USP34: variants seen among roughly 807,000 people sequenced by gnomAD.
USP34 encodes ubiquitin carboxyl-terminal hydrolase 34.
In USP34, 70 loss-of-function variants were observed where a neutral mutation model predicts 460.3. The ratio of observed to expected loss-of-function variants is 0.15; its 90% confidence interval spans 0.13 to 0.19. USP34 has a LOEUF of 0.19. Ranked by LOEUF, USP34 falls within the 10% of genes least tolerant of loss-of-function variation. USP34 has a pLI of 1.00. For missense variants in USP34, 3,985 were observed against 4,236.2 expected (o/e 0.94, Z 1.65); for synonymous variants, 1,647 against 1,405.3 (o/e 1.17, Z -3.85).
intron 10 of USP34, among the ~76,000 whole-genome samples, chr2:61,352,865 C>G (rs556695170): frequency 6.6e-6 from 1 of 151,762 alleles, no homozygotes; most frequent in African/African-American, 2.4e-5. Context: ...AAAACAAAGA[C>G]GATGAAGACG....
chr2:61,266,975 G>GT (rs1689067926), intron 41 of USP34, among the ~76,000 whole-genome samples: 2 of 152,162 alleles, frequency 1.3e-5, no homozygotes, highest in South Asian at 4.1e-4. Flanking sequence ...GGCAACTATG[G>GT]TGAGTTATCC....
chr2:61,387,954 CACACAT>C (rs1445390070), intron 5 of USP34, among the ~76,000 whole-genome samples: 8 of 148,680 alleles, frequency 5.4e-5, no homozygotes, highest in African/African-American at 1.2e-4. Flanking sequence ...CACACACACA[CACACAT>C]ATATATATAT....
At chr2:61,328,136 C>T (rs1691151462) in intron 20 of USP34, among the ~76,000 whole-genome samples, 1 of 151,788 alleles carries the variant, frequency 6.6e-6, no homozygotes, top group South Asian at 2.1e-4. Context: ...AACCTTGTCT[C>T]TACTAAAAAG....
chr2:61,420,369 G>A (rs1008030763), intron 2 of USP34, among the ~76,000 whole-genome samples: 5 of 151,994 alleles, frequency 3.3e-5, no homozygotes, highest in South Asian at 2.1e-4. Flanking sequence ...TTATAGAAAC[G>A]GAACAGATAT....
chr2:61,266,603 T>G (rs1325415324), intron 41 of USP34, among the ~76,000 whole-genome samples: 1 of 152,192 alleles, frequency 6.6e-6, no homozygotes, highest in African/African-American at 2.4e-5. Context: ...CTGTTGTACT[T>G]TTTCCAAAAT....
chr2:61,436,079 T>C (rs1404173136), intron 1 of USP34, among the ~76,000 whole-genome samples: 2 of 151,768 alleles, frequency 1.3e-5, no homozygotes. Context: ...AACAAAAAAA[T>C]TCAACAATAT....
intron 1 of USP34, among the ~76,000 whole-genome samples, chr2:61,456,104 A>G (rs1398112482): frequency 2.0e-5 from 3 of 152,214 alleles, no homozygotes; most frequent in African/African-American, 7.2e-5. Context: ...TATGTTTTTA[A>G]AAAAACAAAT....
At chr2:61,285,839 C>T (rs1689673611) in intron 34 of USP34, among the ~76,000 whole-genome samples, 1 of 152,084 alleles carries the variant, frequency 6.6e-6, no homozygotes, top group South Asian at 2.1e-4. Context: ...CTACATGATC[C>T]TAATATATTT....
chr2:61,325,230 T>C (rs1332549212), intron 21 of USP34, 145 bp downstream of exon 21: 2 of 541,556 alleles, frequency 3.7e-6, no homozygotes, highest in African/African-American at 4.5e-5. Flanking sequence ...TACAATACCC[T>C]GTAACAAACA....
At chr2:61,397,192 C>T (rs944616877) in intron 3 of USP34, among the ~76,000 whole-genome samples, 7 of 152,078 alleles carry the variant, frequency 4.6e-5, no homozygotes, top group African/African-American at 1.2e-4. Flanking sequence ...TATGTAATCC[C>T]AGCACTTTGG....
intron 1 of USP34, among the ~76,000 whole-genome samples, chr2:61,465,318 G>A (rs1355490334): frequency 2.0e-5 from 3 of 152,166 alleles, no homozygotes; most frequent in African/African-American, 7.2e-5. Flanking sequence ...TGTTTCCACA[G>A]TGAAAGTTTA....
intron 2 of USP34, among the ~76,000 whole-genome samples, chr2:61,412,710 G>T (rs771300525): frequency 6.6e-6 from 1 of 151,672 alleles, no homozygotes; most frequent in South Asian, 2.1e-4. Context: ...GCAACATCGC[G>T]AGACCTCCTT....
At chr2:61,396,916 T>G (rs1391056021) in intron 3 of USP34, among the ~76,000 whole-genome samples, 4 of 152,186 alleles carry the variant, frequency 2.6e-5, no homozygotes, top group Non-Finnish European at 5.9e-5. Context: ...ACTGTATACT[T>G]TAATCAAGTG....
chr2:61,306,888 A>G (rs997946511), intron 27 of USP34, among the ~76,000 whole-genome samples: 3 of 152,204 alleles, frequency 2.0e-5, no homozygotes, highest in East Asian at 1.9e-4. Flanking sequence ...TAGTTCAACC[A>G]TTGTGGAAGA....
chr2:61,288,556 T>C (rs1440983042), intron 34 of USP34, 121 bp downstream of exon 34: 1 of 981,206 alleles, frequency 1.0e-6, no homozygotes, highest in African/African-American at 1.6e-5. Context: ...AACAATGCCG[T>C]CAGTTCAGCT....
intron 2 of USP34, chr2:61,416,920 T>G (rs1345224079): frequency 1.8e-6 from 2 of 1,094,464 alleles, no homozygotes; most frequent in East Asian, 4.9e-5. Context: ...CAGAGGGCCA[T>G]GAATGGCGAC....
At chr2:61,464,840 C>A (rs1343946236) in intron 1 of USP34, among the ~76,000 whole-genome samples, 1 of 151,204 alleles carries the variant, frequency 6.6e-6, no homozygotes, top group Non-Finnish European at 1.5e-5. Context: ...TGGCCTAAAG[C>A]ATGTAATTTT....
At chr2:61,351,466 T>A (rs78151500) in intron 10 of USP34, among the ~76,000 whole-genome samples, 1 of 151,936 alleles carries the variant, frequency 6.6e-6, no homozygotes, top group African/African-American at 2.4e-5. Context: ...TCATGTAAAA[T>A]AAAAGTATTT....
chr2:61,338,925 G>A (rs1054954065), intron 18 of USP34, among the ~76,000 whole-genome samples: 1 of 152,100 alleles, frequency 6.6e-6, no homozygotes, highest in African/African-American at 2.4e-5. Flanking sequence ...GACATTAAAA[G>A]ATACATCTAA....
Sources: allele counts gnomAD v4.1 joint callset (sites outside exome capture counted in the v4.1 genomes callset), GRCh38; gene constraint gnomAD v4.1.1; transcripts MANE v1.5; gene names NCBI Gene and HGNC (gene_info 2026-07-23, HGNC 2026-07-21).